Variants in ATP4A observed in about 807,000 individuals in gnomAD.
The protein encoded by ATP4A is ATPase H+/K+ transporting subunit alpha, also known as potassium-transporting ATPase alpha chain 1.
Under a neutral mutation model 112.1 loss-of-function variants are expected in ATP4A, and 73 were observed. That is an observed-to-expected ratio of 0.65 (90% CI 0.54 to 0.79). The LOEUF (loss-of-function observed/expected upper bound fraction) is 0.79. Among genes scored for constraint, ATP4A ranks in the 30% least tolerant of loss-of-function variants. The pLI is 0.00. For synonymous variants in ATP4A, 588 were observed against 588.9 expected (o/e 1.00, Z 0.02); for missense variants, 1,081 against 1,425.9 (o/e 0.76, Z 3.90).
chr19:35,559,061 C>T lies in ATP4A; in HGVS notation c.1187G>A (p.Arg396His). Residue 396 changes from arginine (R) to histidine (H), a missense_variant, in exon 8 of 22, where the codon CGC becomes CAC. Arg to His is a conservative substitution (Grantham distance 29). This residue lies in a region of ATP4A where 850 missense variants were observed against 1,068.2 expected (regional missense o/e 0.80). Transcript: ENST00000262623. This position sits in a 1 kb window ranked among gnomAD's most constrained non-coding sequence, Gnocchi z 4.1. Reference protein sequence around the residue: ...SDKTGTLTQNRMTVSHLWFDN... With the variant: ...SDKTGTLTQNHMTVSHLWFDN... ...AAACCACAGATGGGACACAGTCATG[C>T]GGTTCTGAGTGAGAGTCCCTGTCTT... 2 of 1,614,206 alleles carry T rather than the reference C, an allele frequency of 1.2e-6. No individual in the cohort carries two copies. Among genetic ancestry groups the T allele is most frequent in the South Asian group, 1.1e-5 (1 of 91,088 alleles).
chr19:35,554,645 C>G (rs2071619930), intron 16 of ATP4A, among the ~76,000 whole-genome samples: 1 of 152,192 alleles, frequency 6.6e-6, no homozygotes, highest in Non-Finnish European at 1.5e-5. Flanking sequence ...TGTTCTGTTT[C>G]CATCTCTGTC....
chr19:35,553,506 G>T (rs2071613416), intron 17 of ATP4A, among the ~76,000 whole-genome samples, 200 bp downstream of exon 17: 2 of 152,154 alleles, frequency 1.3e-5, no homozygotes, highest in Non-Finnish European at 2.9e-5. Flanking sequence ...TGGAGAGCAA[G>T]GTCAGAGAGA....
chr19:35,553,568 G>A (rs908598474), intron 17 of ATP4A, 138 bp downstream of exon 17: 30 of 1,284,610 alleles, frequency 2.3e-5, no homozygotes, highest in African/African-American at 4.5e-5. Context: ...AGAGGGACAC[G>A]GAGGACAACG....
intron 4 of ATP4A, among the ~76,000 whole-genome samples, chr19:35,561,653 C>T (rs2071671524): frequency 6.6e-6 from 1 of 151,976 alleles, no homozygotes; most frequent in African/African-American, 2.4e-5. Flanking sequence ...GTCCAATGTC[C>T]CTTGCCCTGC....
In ATP4A at chr19:35,555,566, A is replaced by G. The variant is rs1291556483; in HGVS notation, c.2031T>C (p.Asn677=). Residue 677 remains asparagine (N), a synonymous_variant, in exon 14 of 22, where the codon AAT becomes AAC. Coordinates refer to ENST00000262623, the MANE Select transcript of ATP4A (RefSeq NM_000704.3). The surrounding 1 kb of genome is among the most constrained non-coding windows in gnomAD (Gnocchi z 6.6). ...GGTCCATGTCCTTCAGCTGCATGCC[A>G]TTGATCACACAGGCACGGGCATCCC... ...NRKDARACVI[N]GMQLKDMDPS... 1 of 1,586,678 alleles carries G rather than the reference A, an allele frequency of 6.3e-7. No individual in the cohort carries two copies. Among genetic ancestry groups the G allele is most frequent in the Non-Finnish European group, 8.6e-7 (1 of 1,161,080 alleles).
chr19:35,559,332 T>C lies in ATP4A; in HGVS notation c.1057-141A>G. On this transcript the variant is annotated intron_variant, in intron 7 of 21. Transcript: ENST00000262623. This position sits in a 1 kb window ranked among gnomAD's most constrained non-coding sequence, Gnocchi z 4.1. ...CTTCTGCAAACACCAGGTGTTTTCT[T>C]GGCCCCAGCTTTTGTTCAGCCAGTG... The C allele has an allele frequency of 2.3e-6, 2 of 870,432 alleles. No homozygotes were observed. The highest frequency in any genetic ancestry group is 3.6e-6 in the Non-Finnish European group (2 of 562,564). 53.9% of individuals were successfully genotyped at this position (870,432 alleles called of 1,614,324 possible).
Position 35,558,713 on chromosome 19 carries a change from C to G in ATP4A, c.1256-27G>C. 1 of 1,558,460 alleles carries G rather than the reference C, an allele frequency of 6.4e-7. No homozygotes were observed. Among genetic ancestry groups the G allele is most frequent in the Non-Finnish European group, 8.7e-7 (1 of 1,154,136 alleles). ...TGCAGACCAGGCGTCCAGGCTGGGT[C>G]CCGCACGGCGGCTCTCCCGGACCAG... On this transcript the variant is annotated intron_variant, in intron 8 of 21. Transcript: ENST00000262623. The surrounding 1 kb of genome is among the most constrained non-coding windows in gnomAD (Gnocchi z 5.1).
At chr19:35,563,126 C>T in intron 3 of ATP4A, 83 bp downstream of exon 3, 1 of 1,505,496 alleles carries the variant, frequency 6.6e-7, no homozygotes, top group Non-Finnish European at 9.1e-7. Flanking sequence ...CTCTCTCTCC[C>T]TCTCTCCATC....
At chr19:35,556,768 TA>T in intron 12 of ATP4A, 144 bp downstream of exon 12, 1 of 993,698 alleles carries the variant, frequency 1.0e-6, no homozygotes, top group Non-Finnish European at 1.4e-6. Flanking sequence ...ACCTGAAGCT[TA>T]ATTCCCCAGA....
Position 35,550,980 on chromosome 19 carries a change from TC to T in ATP4A, c.2987+29del. 3 of 1,613,044 alleles carry T rather than the reference TC, an allele frequency of 1.9e-6. No individual in the cohort carries two copies. The highest frequency in any genetic ancestry group is 2.5e-6 in the Non-Finnish European group (3 of 1,179,488). On this transcript the variant is annotated intron_variant, in intron 20 of 21. Coordinates refer to ENST00000262623, the MANE Select transcript of ATP4A (RefSeq NM_000704.3). This position sits in a 1 kb window ranked among gnomAD's most constrained non-coding sequence, Gnocchi z 4.1. ...CCCAGGCCTGTGCCCTACAGCCCCC[TC>T]CCTGTCCTTGCCCCTCACAGCCTCT... is the stretch of plus-strand genomic sequence containing the variant.
Position 35,558,768 on chromosome 19 carries a change from C to G in ATP4A, c.1256-82G>C. 2.1e-6 allele frequency: 3 copies of G among 1,414,810 alleles called. No homozygotes were observed. The highest frequency in any genetic ancestry group is 2.7e-5 in the South Asian group (2 of 73,460). The allele number at this position is 1,414,810 out of a possible 1,614,324, so 87.6% of individuals were successfully genotyped here. On this transcript the variant is annotated intron_variant, in intron 8 of 21. Coordinates refer to ENST00000262623, the MANE Select transcript of ATP4A (RefSeq NM_000704.3). The surrounding 1 kb of genome is among the most constrained non-coding windows in gnomAD (Gnocchi z 5.1). ...GAGCCCCCTCCTCCTAGGCTCATAT[C>G]GCGGGCCCCCTCCCCAGACCTGGGT...
Position 35,558,690 on chromosome 19 carries a change from C to T in ATP4A, c.1256-4G>A, listed in dbSNP as rs2071648615. ...GAGGACTGGTCAAACGTCTGCCCTG[C>T]AGACCAGGCGTCCAGGCTGGGTCCC... On this transcript the variant is annotated splice_region_variant and splice_polypyrimidine_tract_variant and intron_variant, in intron 8 of 21. Transcript: ENST00000262623. The surrounding 1 kb of genome is among the most constrained non-coding windows in gnomAD (Gnocchi z 5.1). 1.3e-6 allele frequency: 2 copies of T among 1,587,136 alleles called. No individual in the cohort carries two copies. Among genetic ancestry groups the T allele is most frequent in the African/African-American group, 2.7e-5 (2 of 74,758 alleles).
In ATP4A at chr19:35,558,974, T is replaced by C; in HGVS notation, c.1255+19A>G. On this transcript the variant is annotated intron_variant, in intron 8 of 21. Transcript: ENST00000262623. The surrounding 1 kb of genome is among the most constrained non-coding windows in gnomAD (Gnocchi z 5.1). The stretch of plus-strand genomic sequence containing the variant: ...CCACCAGATCCTGCCCTGGCGCCTG[T>C]GCCCTCCCTCCCCCACACCTGACTG... 1 of 1,613,634 alleles carries C rather than the reference T, an allele frequency of 6.2e-7. No homozygotes were observed. The highest frequency in any genetic ancestry group is 2.2e-5 in the East Asian group (1 of 44,858).
At position 35,557,936 on chromosome 19, in the gene ATP4A, C is replaced by T; in HGVS notation, c.1501-89G>A. The T allele has an allele frequency of 3.3e-6, 1 of 298,994 alleles. No homozygotes were observed. Among genetic ancestry groups the T allele is most frequent in the Non-Finnish European group, 5.5e-6 (1 of 182,512 alleles). 18.5% of individuals were successfully genotyped at this position (298,994 alleles called of 1,614,324 possible). A position where few individuals can be genotyped will look rare whatever the true frequency, so the allele number is the denominator to read the frequency against. ...AACGGGGCGGGGCTGAGGAGAGGGG[C>T]GGGGCCGAGAGCTCGGTGCGGGCTC... On this transcript the variant is annotated intron_variant, in intron 10 of 21. Coordinates refer to ENST00000262623, the MANE Select transcript of ATP4A (RefSeq NM_000704.3). This position sits in a 1 kb window ranked among gnomAD's most constrained non-coding sequence, Gnocchi z 4.4.
rs749521580 is a variant in ATP4A, at chr19:35,556,924, C to T, written c.1858G>A (p.Ala620Thr). 17 of 1,613,760 alleles carry T rather than the reference C, an allele frequency of 1.1e-5. No homozygotes were observed. The highest frequency in any genetic ancestry group is 2.2e-5 in the East Asian group (1 of 44,866). The change falls in exon 12 of 22, where the codon GCA becomes ACA. Residue 620 changes from alanine (A) to threonine (T), a missense_variant. By Grantham distance (58) the Ala-to-Thr change is moderately conservative. Around this residue, in one of 3 missense-constraint regions of ATP4A, gnomAD observed 850 missense variants for 1,068.2 expected, o/e 0.80. Coordinates refer to ENST00000262623, the MANE Select transcript of ATP4A (RefSeq NM_000704.3). The stretch of plus-strand genomic sequence containing the variant: ...CCACAGTGGCATACCCGGATGCCTG[C>T]GGTGCGACACTTGAGCACAGCATCA... ...VPDAVLKCRT[A>T]GIRVIMVTGD...
In ATP4A at chr19:35,550,932, G is replaced by T; in HGVS notation, c.2988-7C>A. ...GACCAGCCACCACTGGAACCTGAAG[G>T]CACATGGCAAGGTGAAGGCCATCCC... On this transcript the variant is annotated splice_region_variant and splice_polypyrimidine_tract_variant and intron_variant, in intron 20 of 21. Coordinates refer to ENST00000262623, the MANE Select transcript of ATP4A (RefSeq NM_000704.3). This position sits in a 1 kb window ranked among gnomAD's most constrained non-coding sequence, Gnocchi z 4.1. 1 of 1,614,050 alleles carries T rather than the reference G, an allele frequency of 6.2e-7. No homozygotes were observed. Among genetic ancestry groups the T allele is most frequent in the Non-Finnish European group, 8.5e-7 (1 of 1,179,932 alleles).
rs1340924806 is a variant in ATP4A, at chr19:35,550,738, CA to C, written c.3079+95del. Reference sequence around the variant, plus strand: ...GTCAGTGCTGGTTGCTATGGAGGGTCAAGGGCTTAGAGGCCAAGTGTTGAGG... The same window carrying C: ...GTCAGTGCTGGTTGCTATGGAGGGTCAGGGCTTAGAGGCCAAGTGTTGAGG... On this transcript the variant is annotated intron_variant, in intron 21 of 21. Coordinates refer to ENST00000262623, the MANE Select transcript of ATP4A (RefSeq NM_000704.3). The surrounding 1 kb of genome is among the most constrained non-coding windows in gnomAD (Gnocchi z 4.1). 1 of 1,608,764 alleles carries C rather than the reference CA, an allele frequency of 6.2e-7. No homozygotes were observed. Among genetic ancestry groups the C allele is most frequent in the Non-Finnish European group, 8.5e-7 (1 of 1,175,562 alleles).
chr19:35,563,336 G>T (rs1389252847), intron 2 of ATP4A, 48 bp downstream of exon 2: 7 of 1,612,652 alleles, frequency 4.3e-6, no homozygotes, highest in Non-Finnish European at 5.9e-6. Flanking sequence ...CCACTGCCTG[G>T]TTCCCAGCCT....
Position 35,550,985 on chromosome 19 carries a change from G to A in ATP4A, c.2987+25C>T, listed in dbSNP as rs2071598346. 6.2e-7 allele frequency: 1 copy of A among 1,612,966 alleles called. No homozygotes were observed. Among genetic ancestry groups the A allele is most frequent in the Admixed American group, 1.7e-5 (1 of 59,868 alleles). On this transcript the variant is annotated intron_variant, in intron 20 of 21. Transcript: ENST00000262623. This position sits in a 1 kb window ranked among gnomAD's most constrained non-coding sequence, Gnocchi z 4.1. ...GCCTGTGCCCTACAGCCCCCTCCCT[G>A]TCCTTGCCCCTCACAGCCTCTCACC...
Sources: gnomAD v4.1 joint callset for allele counts (sites outside exome capture counted in the v4.1 genomes callset) on GRCh38, gnomAD v4.1.1 for gene constraint, gnomAD v4.1.1 regional missense constraint, Gnocchi (gnomAD v3.1) non-coding constraint, MANE v1.5 for transcripts, NCBI Gene and HGNC (gene_info 2026-07-23, HGNC 2026-07-21) for gene names.